Variants in PPP6R3 observed in about 807,000 individuals in gnomAD.
PPP6R3 encodes the protein protein phosphatase 6 regulatory subunit 3.
A neutral mutation model predicts 110.7 loss-of-function variants in PPP6R3; 38 were observed. The ratio of observed to expected loss-of-function variants is 0.34; its 90% CI spans 0.26 to 0.45. The LOEUF is 0.45. Among genes scored for constraint, PPP6R3 ranks in the 20% least tolerant of loss-of-function variants. The probability of loss-of-function intolerance (pLI) is 1.00; values close to 1 mark genes in which losing one functional copy is unlikely to be tolerated. For missense variants in PPP6R3, 870 were observed against 1,062.4 expected, an observed-to-expected ratio of 0.82 and a Z score of 2.52; for synonymous variants, 369 against 373.5, an observed-to-expected ratio of 0.99 and a Z score of 0.14.
intron 6 of PPP6R3, among the ~76,000 whole-genome samples, chr11:68,551,556 C>G (rs761518885): frequency 4.6e-5 from 7 of 152,120 alleles, no homozygotes; most frequent in Non-Finnish European, 5.9e-5. Context: ...GTGGCGCGAT[C>G]TTAGCTCACT....
At chr11:68,492,140 G>C (rs1472150488) in intron 1 of PPP6R3, among the ~76,000 whole-genome samples, 1 of 152,144 alleles carries the variant, frequency 6.6e-6, no homozygotes, top group Admixed American at 6.6e-5. Context: ...GTTGTAGGAT[G>C]TGTCCGAATT....
chr11:68,519,966 G>C (rs1051139673), intron 2 of PPP6R3, among the ~76,000 whole-genome samples: 3 of 152,176 alleles, frequency 2.0e-5, no homozygotes, highest in African/African-American at 7.2e-5. Context: ...TCGCCGCCCA[G>C]GCCACTGCTT....
intron 1 of PPP6R3, among the ~76,000 whole-genome samples, chr11:68,494,992 G>GT (rs1306083251): frequency 6.6e-6 from 1 of 152,216 alleles, no homozygotes; most frequent in Admixed American, 6.5e-5. Context: ...GCTCAAAAAT[G>GT]TTTAAGAACT....
intron 1 of PPP6R3, among the ~76,000 whole-genome samples, chr11:68,494,562 T>G (rs1473688289): frequency 6.6e-6 from 1 of 152,148 alleles, no homozygotes; most frequent in Non-Finnish European, 1.5e-5. Context: ...GAATACCTTA[T>G]GGATTTTCAT....
chr11:68,553,292 A>G (rs1054117712), intron 6 of PPP6R3, among the ~76,000 whole-genome samples: 6 of 140,822 alleles, frequency 4.3e-5, no homozygotes, highest in Admixed American at 7.0e-5. Context: ...ATTTGCTTTT[A>G]CTTTTTTTTT....
At chr11:68,475,611 C>T (rs1397796867) in intron 1 of PPP6R3, among the ~76,000 whole-genome samples, 53 of 144,290 alleles carry the variant, frequency 3.7e-4, no homozygotes, top group African/African-American at 7.7e-4. Context: ...CCCTCCCGGA[C>T]GGGGCGGCTG....
chr11:68,595,777 C>T (rs998806604), intron 18 of PPP6R3, among the ~76,000 whole-genome samples: 2 of 152,190 alleles, frequency 1.3e-5, no homozygotes, highest in Non-Finnish European at 1.5e-5. Flanking sequence ...AGATGCTCAA[C>T]CTCCTTGGTC....
At chr11:68,550,816 A>T (rs2099368138) in intron 5 of PPP6R3, among the ~76,000 whole-genome samples, 1 of 152,176 alleles carries the variant, frequency 6.6e-6, no homozygotes, top group Non-Finnish European at 1.5e-5. Context: ...TTAAGAACTA[A>T]CCTACAAACC....
chr11:68,503,315 G>A (rs772559206), intron 1 of PPP6R3, among the ~76,000 whole-genome samples: 8 of 152,160 alleles, frequency 5.3e-5, no homozygotes, highest in African/African-American at 1.2e-4. Context: ...ATCTCCCAGC[G>A]CTTTGTTTTA....
At chr11:68,574,482 T>G (rs2099522722) in intron 13 of PPP6R3, among the ~76,000 whole-genome samples, 1 of 152,226 alleles carries the variant, frequency 6.6e-6, no homozygotes, top group South Asian at 2.1e-4. Flanking sequence ...GAGTCACCTA[T>G]TGTCATTCTT....
At chr11:68,526,782 C>CT (rs1328047254) in intron 2 of PPP6R3, among the ~76,000 whole-genome samples, 1 of 152,228 alleles carries the variant, frequency 6.6e-6, no homozygotes, top group African/African-American at 2.4e-5. Flanking sequence ...ATAACCCATG[C>CT]TTTGCATATA....
intron 12 of PPP6R3, among the ~76,000 whole-genome samples, chr11:68,571,539 T>C (rs1258267468): frequency 6.6e-6 from 1 of 152,234 alleles, no homozygotes; most frequent in Non-Finnish European, 1.5e-5. Flanking sequence ...AAAAAATTGC[T>C]CAGTGTTTTC....
intron 21 of PPP6R3, among the ~76,000 whole-genome samples, chr11:68,602,515 C>T (rs746831640): frequency 1.3e-5 from 2 of 151,976 alleles, no homozygotes; most frequent in Non-Finnish European, 2.9e-5. Flanking sequence ...GAGGGGGATG[C>T]TAGCAAAGGG....
intron 22 of PPP6R3, 101 bp from the exon 23 acceptor site, chr11:68,609,803 G>T: frequency 6.3e-7 from 1 of 1,581,916 alleles, no homozygotes; most frequent in South Asian, 1.1e-5. Flanking sequence ...TGCCTCCGCG[G>T]CAGTCATGAC....
intron 2 of PPP6R3, among the ~76,000 whole-genome samples, chr11:68,524,144 G>T (rs1366225213): frequency 6.6e-6 from 1 of 152,104 alleles, no homozygotes; most frequent in Non-Finnish European, 1.5e-5. Context: ...CTTTGCCAGG[G>T]CGCCTCCAAT....
At chr11:68,542,387 C>CTGGTTTTTTTT (rs2099321429) in intron 3 of PPP6R3, among the ~76,000 whole-genome samples, 1 of 4,238 alleles carries the variant, frequency 2.4e-4, no homozygotes, top group African/African-American at 7.9e-4. Context: ...TGAGAAGCTG[C>CTGGTTTTTTTT]TGTTTTTTTT....
intron 8 of PPP6R3, among the ~76,000 whole-genome samples, chr11:68,563,423 A>C (rs896764948): frequency 7.2e-5 from 11 of 152,268 alleles, no homozygotes; most frequent in African/African-American, 2.4e-4. Flanking sequence ...CATAGTTATG[A>C]TGGCATTTAA....
At chr11:68,464,367 G>A (rs1484290667) in intron 1 of PPP6R3, among the ~76,000 whole-genome samples, 2 of 152,038 alleles carry the variant, frequency 1.3e-5, no homozygotes, top group East Asian at 3.9e-4. Flanking sequence ...CTGACCTCGT[G>A]ATCTACCCGC....
chr11:68,597,956 G>A (rs780166612), intron 19 of PPP6R3, among the ~76,000 whole-genome samples: 5 of 152,056 alleles, frequency 3.3e-5, no homozygotes, highest in Non-Finnish European at 5.9e-5. Flanking sequence ...TCCAGCCTGG[G>A]CGACAGAGTG....
Sources: allele counts gnomAD v4.1 joint callset (sites outside exome capture counted in the v4.1 genomes callset), GRCh38; gene constraint gnomAD v4.1.1; transcripts MANE v1.5; gene names NCBI Gene and HGNC (gene_info 2026-07-23, HGNC 2026-07-21).